The following NREP variants were observed in gnomAD, a reference collection of about 807,000 sequenced individuals.
NREP encodes neuronal regeneration-related protein.
A neutral mutation model predicts 8.6 loss-of-function variants in NREP; 5 were observed. That is an observed-to-expected ratio of 0.58 (90% CI 0.30 to 1.22). The LOEUF (loss-of-function observed/expected upper bound fraction) is 1.22, where lower values mean the gene tolerates loss of function less well. NREP is among the 50% of genes most tolerant of loss of function. The probability of loss-of-function intolerance (pLI) is 0.07; values close to 1 mark genes in which losing one functional copy is unlikely to be tolerated. For missense variants in NREP, 86 were observed against 82.5 expected (o/e 1.04, Z -0.17); for synonymous variants, 27 against 28.0 (o/e 0.96, Z 0.11).
In NREP at chr5:111,822,447, C is replaced by T. The variant is rs75794048; in HGVS notation, c.136-86940G>A. On this transcript the variant is annotated intron_variant, in intron 2 of 3. Coordinates refer to the NREP transcript ENST00000395634. ...AGAGCTTTCAAAAGAGGAGAGACCT[C>T]GGTAAACATCCAGGCTATCAATCGG... Among the ~76,000 whole-genome samples, 55 of 152,232 alleles carry T rather than the reference C, an allele frequency of 3.6e-4. No individual in the cohort carries two copies. In the East Asian group the frequency reaches 0.01, roughly 29 times the overall value.
chr5:111,817,981 G>T (rs1297560322), intron 2 of NREP, among the ~76,000 whole-genome samples: 2 of 152,064 alleles, frequency 1.3e-5, no homozygotes, highest in Admixed American at 1.3e-4. Flanking sequence ...TCATCTGAAA[G>T]AGCCATTCTT....
intron 1 of NREP, among the ~76,000 whole-genome samples, chr5:111,756,816 G>A (rs77242097): frequency 6.6e-6 from 1 of 152,140 alleles, no homozygotes; most frequent in South Asian, 2.1e-4. Flanking sequence ...AAACACAACA[G>A]TTTCTAACAA....
At chr5:111,729,245 A>C (rs1748342534), downstream of NREP, 1 of 152,214 alleles carries the variant, frequency 6.6e-6, no homozygotes, top group African/African-American at 2.4e-5. Context: ...ATGAATTAGC[A>C]AGAACCAGAG....
At chr5:111,846,690 G>C (rs1337367603) in intron 2 of NREP, 1 of 151,926 alleles carries the variant, frequency 6.6e-6, no homozygotes, top group African/African-American at 2.4e-5. Flanking sequence ...TCTCCTTTGA[G>C]TTTTCCTAAT....
intron 2 of NREP, among the ~76,000 whole-genome samples, chr5:111,864,568 G>A (rs1230736154): frequency 6.6e-6 from 1 of 152,058 alleles, no homozygotes; most frequent in Non-Finnish European, 1.5e-5. Flanking sequence ...CTGGAGCGGG[G>A]TGAAGTAATC....
chr5:111,970,740 C>T (rs780268729), intron 2 of NREP, among the ~76,000 whole-genome samples: 5 of 145,808 alleles, frequency 3.4e-5, no homozygotes, highest in Non-Finnish European at 5.9e-5. Flanking sequence ...GCAGGAGAAT[C>T]ACTTGAACCC....
chr5:111,836,555 G>A (rs1213938059), intron 2 of NREP, among the ~76,000 whole-genome samples: 3 of 151,960 alleles, frequency 2.0e-5, no homozygotes, highest in African/African-American at 7.2e-5. Flanking sequence ...TTATTGCTTT[G>A]GGTGGGAGAC....
intron 2 of NREP, among the ~76,000 whole-genome samples, chr5:111,773,084 TA>T (rs1487153992): frequency 6.6e-6 from 1 of 152,166 alleles, no homozygotes; most frequent in African/African-American, 2.4e-5. Context: ...CAACAGACAA[TA>T]GATTGTGCAA....
intron 2 of NREP, among the ~76,000 whole-genome samples, chr5:111,972,295 G>T (rs977672352): frequency 6.6e-6 from 1 of 152,074 alleles, no homozygotes; most frequent in Non-Finnish European, 1.5e-5. Flanking sequence ...TGTTGAATGT[G>T]GTTGGTACAG....
chr5:111,891,804 T>G (rs1465607940), intron 2 of NREP, among the ~76,000 whole-genome samples: 1 of 152,118 alleles, frequency 6.6e-6, no homozygotes, highest in Non-Finnish European at 1.5e-5. Flanking sequence ...CTCGCTATCG[T>G]GAGGACAGCA....
intron 2 of NREP, among the ~76,000 whole-genome samples, chr5:111,964,141 T>C (rs1315772599): frequency 1.3e-5 from 2 of 152,220 alleles, no homozygotes; most frequent in Non-Finnish European, 2.9e-5. Flanking sequence ...TTCCCTTGCT[T>C]AATAGTTTTA....
At chr5:111,907,889 T>A (rs1266283337) in intron 2 of NREP, among the ~76,000 whole-genome samples, 2 of 152,054 alleles carry the variant, frequency 1.3e-5, no homozygotes, top group Admixed American at 1.3e-4. Context: ...TTATTACTAT[T>A]TTTTTTATAT....
intron 2 of NREP, among the ~76,000 whole-genome samples, chr5:111,944,602 C>T (rs1755925979): frequency 6.6e-6 from 1 of 152,130 alleles, no homozygotes; most frequent in African/African-American, 2.4e-5. Context: ...CCATGACAAC[C>T]AGCCTTCTTC....
At chr5:111,747,100 G>T (rs1750056098) in intron 2 of NREP, among the ~76,000 whole-genome samples, 1 of 152,054 alleles carries the variant, frequency 6.6e-6, no homozygotes, top group Non-Finnish European at 1.5e-5. Context: ...TGACTGAGTG[G>T]GAGGCATGAA....
chr5:111,832,358 A>G (rs1208492708), intron 2 of NREP, among the ~76,000 whole-genome samples: 1 of 152,088 alleles, frequency 6.6e-6, no homozygotes, highest in African/African-American at 2.4e-5. Context: ...CCTTTACAGA[A>G]AAACAAACAA....
intron 2 of NREP, among the ~76,000 whole-genome samples, chr5:111,889,070 G>A (rs1754330580): frequency 6.6e-6 from 1 of 152,188 alleles, no homozygotes. Context: ...GATGTTCATT[G>A]TATTAGGCTC....
chr5:111,826,535 A>G (rs1423722554), intron 2 of NREP, among the ~76,000 whole-genome samples: 1 of 152,210 alleles, frequency 6.6e-6, no homozygotes, highest in East Asian at 1.9e-4. Context: ...ACGCATCTGA[A>G]CATCTGAAGG....
At chr5:111,771,611 A>G (rs562583319) in intron 2 of NREP, among the ~76,000 whole-genome samples, 65 of 152,030 alleles carry the variant, frequency 4.3e-4, no homozygotes, top group Non-Finnish European at 7.8e-4. Context: ...AAAAATACAA[A>G]AATTAGCTGG....
chr5:111,919,544 T>TA (rs1408359104), intron 2 of NREP, among the ~76,000 whole-genome samples: 1 of 151,946 alleles, frequency 6.6e-6, no homozygotes, highest in Non-Finnish European at 1.5e-5. Flanking sequence ...TATGCAGCCA[T>TA]AAAAAAGGAT....
Sources: gnomAD v4.1 joint callset for allele counts (sites outside exome capture counted in the v4.1 genomes callset) on GRCh38, gnomAD v4.1.1 for gene constraint, MANE v1.5 for transcripts, NCBI Gene and HGNC (gene_info 2026-07-23, HGNC 2026-07-21) for gene names.